MTX2: variants seen among roughly 807,000 people sequenced by gnomAD.
MTX2 encodes the protein metaxin-2.
A neutral mutation model predicts 42.3 loss-of-function variants in MTX2; 35 were observed. The ratio of observed to expected loss-of-function variants is 0.83; its 90% CI spans 0.63 to 1.10. The LOEUF (loss-of-function observed/expected upper bound fraction) is 1.10. Ranked by LOEUF, MTX2 falls within the 50% of genes least tolerant of loss-of-function variation. MTX2 has a pLI of 0.00. For synonymous variants in MTX2, 119 were observed against 100.9 expected, an observed-to-expected ratio of 1.18 and a Z score of -1.08; for missense variants, 307 against 304.1, an observed-to-expected ratio of 1.01 and a Z score of -0.07.
Position 176,328,356 on chromosome 2 carries a change from T to G in MTX2, c.349T>G (p.Leu117Val). ...QKAEMKAYME[L>V]VNNMLLTAEL... ...AGCAGAAATGAAAGCTTACATGGAA[T>G]TAGTCAACAATATGCTGTTGACTGC... Residue 117 changes from leucine to valine, a missense_variant, in exon 6 of 10, where the codon TTA becomes GTA. Coordinates refer to ENST00000249442, the MANE Select transcript of MTX2 (RefSeq NM_006554.5). 6 of 1,588,548 alleles carry G rather than the reference T, an allele frequency of 3.8e-6. No individual in the cohort carries two copies. Among genetic ancestry groups the G allele is most frequent in the Non-Finnish European group, 5.1e-6 (6 of 1,167,678 alleles).
intron 1 of MTX2, chr2:176,270,166 GTTAT>G (rs760768687): frequency 8.2e-4 from 270 of 331,122 alleles, no homozygotes; most frequent in Non-Finnish European, 8.3e-4. Context: ...GACTCTAGGA[GTTAT>G]TTATTTATTT....
In MTX2 at chr2:176,327,345, T is replaced by G. The variant is rs926355059; in HGVS notation, c.285+444T>G. ...TATTCAGTTTAGATTTTAATAGTTA[T>G]TAAGGAACAACTCCCATTAGTGTTT... On this transcript the variant is annotated intron_variant, in intron 5 of 9. Coordinates refer to ENST00000249442, the MANE Select transcript of MTX2 (RefSeq NM_006554.5). Among the ~76,000 whole-genome samples, 5 of 151,188 alleles carry G rather than the reference T, an allele frequency of 3.3e-5. No homozygotes were observed. The East Asian group carries it at 9.7e-4, about 29-fold the overall frequency.
At chr2:176,279,045 C>T (rs1226911157) in intron 1 of MTX2, among the ~76,000 whole-genome samples, 2 of 152,186 alleles carry the variant, frequency 1.3e-5, no homozygotes, top group East Asian at 1.9e-4. Flanking sequence ...TGACAATTCT[C>T]GTTAACTGTA....
chr2:176,313,447 C>CA (rs1424769663), intron 3 of MTX2, among the ~76,000 whole-genome samples: 13 of 136,228 alleles, frequency 9.5e-5, no homozygotes, highest in African/African-American at 3.7e-4. Context: ...GACTGGAGTG[C>CA]AGTGGTGTGA....
Position 176,269,685 on chromosome 2 carries a change from G to T in MTX2, c.40+16G>T. The T allele has an allele frequency of 6.3e-7, 1 of 1,589,506 alleles. No homozygotes were observed. The highest frequency in any genetic ancestry group is 8.5e-7 in the Non-Finnish European group (1 of 1,171,308). ...CAGATTGCAGGTAGCGCGGCTGGCC[G>T]CAGACCCAGAAGGTGGCGGCGCGGT... On this transcript the variant is annotated intron_variant, in intron 1 of 9. Transcript: ENST00000249442.
At chr2:176,280,897 G>A (rs1693063918) in intron 1 of MTX2, among the ~76,000 whole-genome samples, 1 of 152,248 alleles carries the variant, frequency 6.6e-6, no homozygotes, top group Non-Finnish European at 1.5e-5. Context: ...GTCCTGGGCT[G>A]ATCCAGACAG....
chr2:176,302,481 G>C (rs1465496359), intron 3 of MTX2, among the ~76,000 whole-genome samples: 3 of 152,082 alleles, frequency 2.0e-5, no homozygotes, highest in Non-Finnish European at 2.9e-5. Context: ...CTGTCGCCCA[G>C]GCTGGAGTGC....
In MTX2 at chr2:176,269,536, A is replaced by AG. The variant is rs1421454265; in HGVS notation, c.-92dup. On this transcript the variant is annotated 5_prime_UTR_variant, in exon 1 of 10. Coordinates refer to ENST00000249442, the MANE Select transcript of MTX2 (RefSeq NM_006554.5). ...TGCGAGTCTGAACGTTGGCGGGGCTAGGCTCGTTAACTGCCGAGAGCCTCC... is the reference window on the plus strand; with the variant it reads ...TGCGAGTCTGAACGTTGGCGGGGCTAGGGCTCGTTAACTGCCGAGAGCCTCC... 2 of 1,379,342 alleles carry AG rather than the reference A, an allele frequency of 1.4e-6. No homozygotes were observed. Among genetic ancestry groups the AG allele is most frequent in the Non-Finnish European group, 1.9e-6 (2 of 1,026,818 alleles). The allele number at this position is 1,379,342 out of a possible 1,614,324, so 85.4% of individuals were successfully genotyped here. A position where few individuals can be genotyped will look rare whatever the true frequency, so the allele number is the denominator to read the frequency against.
chr2:176,273,865 CA>C (rs1418568429), intron 1 of MTX2, among the ~76,000 whole-genome samples: 1 of 151,936 alleles, frequency 6.6e-6, no homozygotes, highest in Non-Finnish European at 1.5e-5. Flanking sequence ...CCATACACTG[CA>C]AGCCTCAGTG....
chr2:176,334,174 T>C (rs2689950), intron 9 of MTX2, among the ~76,000 whole-genome samples: 1 of 151,800 alleles, frequency 6.6e-6, no homozygotes, highest in African/African-American at 2.4e-5. Flanking sequence ...GGGGTACTTC[T>C]GGAGCACTCT....
At chr2:176,307,560 G>C (rs1035932895) in intron 3 of MTX2, among the ~76,000 whole-genome samples, 19 of 152,208 alleles carry the variant, frequency 1.2e-4, no homozygotes, top group Non-Finnish European at 2.4e-4. Flanking sequence ...CCATTTGTTT[G>C]TGTCCTCTTT....
intron 1 of MTX2, among the ~76,000 whole-genome samples, chr2:176,294,528 G>A (rs1683800865): frequency 2.0e-5 from 3 of 152,148 alleles, no homozygotes; most frequent in African/African-American, 7.2e-5. Flanking sequence ...ACCCGCCTCG[G>A]CCTCCCAAAG....
chr2:176,336,768 C>T (rs1197242563), intron 9 of MTX2, among the ~76,000 whole-genome samples: 2 of 151,972 alleles, frequency 1.3e-5, no homozygotes, highest in African/African-American at 2.4e-5. Flanking sequence ...AGCAGAAACT[C>T]CAAGAAAAGT....
intron 3 of MTX2, 110 bp from the exon 4 acceptor site, chr2:176,323,282 A>C: frequency 3.5e-6 from 3 of 868,510 alleles, no homozygotes; most frequent in Non-Finnish European, 3.6e-6. Flanking sequence ...GTTTTCTATT[A>C]GAGTTTTGTA....
chr2:176,333,947 A>C (rs558678394), intron 9 of MTX2, among the ~76,000 whole-genome samples: 1 of 151,884 alleles, frequency 6.6e-6, no homozygotes, highest in South Asian at 2.1e-4. Context: ...AAATTGCCAA[A>C]CAGTGCATTT....
At chr2:176,284,481 G>A (rs1693150820) in intron 1 of MTX2, among the ~76,000 whole-genome samples, 1 of 152,094 alleles carries the variant, frequency 6.6e-6, no homozygotes. Flanking sequence ...TTGATCTCTA[G>A]TCACAGATAG....
At chr2:176,289,105 G>A (rs1693271347) in intron 1 of MTX2, among the ~76,000 whole-genome samples, 1 of 143,548 alleles carries the variant, frequency 7.0e-6, no homozygotes, top group Admixed American at 7.1e-5. Context: ...TGGATTAATA[G>A]TAAGAATATT....
At chr2:176,306,495 A>T (rs1489480718) in intron 3 of MTX2, among the ~76,000 whole-genome samples, 1 of 152,236 alleles carries the variant, frequency 6.6e-6, no homozygotes, top group African/African-American at 2.4e-5. Flanking sequence ...ACTGTCTTCC[A>T]CAATGGTTGA....
At chr2:176,299,368 A>C (rs553059917) in intron 3 of MTX2, among the ~76,000 whole-genome samples, 6 of 152,246 alleles carry the variant, frequency 3.9e-5, no homozygotes, top group African/African-American at 1.4e-4. Flanking sequence ...CCATTTAAAA[A>C]AACTAACGTT....
Sources: gnomAD v4.1 joint callset for allele counts (sites outside exome capture counted in the v4.1 genomes callset) on GRCh38, gnomAD v4.1.1 for gene constraint, MANE v1.5 for transcripts, NCBI Gene and HGNC (gene_info 2026-07-23, HGNC 2026-07-21) for gene names.